Variants in METTL13 observed in about 807,000 individuals in gnomAD.
METTL13 encodes the protein eEF1A lysine and N-terminal methyltransferase.
In METTL13, 52 loss-of-function variants were observed where a neutral mutation model predicts 67.4. That is an observed-to-expected ratio of 0.77 (90% CI 0.62 to 0.97). The LOEUF (loss-of-function observed/expected upper bound fraction) is 0.97, where lower values mean the gene tolerates loss of function less well. Among genes scored for constraint, METTL13 ranks in the 50% least tolerant of loss-of-function variants. The pLI is 0.00. For missense variants in METTL13, 825 were observed against 889.6 expected, an observed-to-expected ratio of 0.93 and a Z score of 0.92; for synonymous variants, 354 against 353.6, an observed-to-expected ratio of 1.00 and a Z score of -0.01.
chr1:171,790,824 G>C (rs1477896261), intron 5 of METTL13: 2 of 457,430 alleles, frequency 4.4e-6, no homozygotes, highest in Non-Finnish European at 3.6e-6. Flanking sequence ...ATTGAAATAT[G>C]TTAGAGTCTA....
At chr1:171,790,753 T>C in intron 5 of METTL13, 137 bp downstream of exon 5, 1 of 964,008 alleles carries the variant, frequency 1.0e-6, no homozygotes, top group South Asian at 3.3e-5. Flanking sequence ...AACCATGTTA[T>C]AAGTTAATGA....
At chr1:171,783,678 G>T (rs1656901892) in intron 1 of METTL13, 62 bp from the exon 2 acceptor site, 1 of 1,525,660 alleles carries the variant, frequency 6.6e-7, no homozygotes, top group South Asian at 1.3e-5. Flanking sequence ...ATTCCTTGAA[G>T]TACCTGAAGT....
intron 2 of METTL13, among the ~76,000 whole-genome samples, 168 bp from the exon 3 acceptor site, chr1:171,785,711 C>T (rs1248601891): frequency 6.6e-6 from 1 of 152,184 alleles, no homozygotes; most frequent in East Asian, 1.9e-4. Flanking sequence ...GTCTGATGGG[C>T]TGCTTTGCCC....
rs1317455331 is a variant in METTL13 at position 171,792,186 on chromosome 1, C to T, written c.1644C>T (p.His548=). Residue 548 remains histidine, a synonymous_variant, in exon 6 of 8, where the codon CAC becomes CAT. Coordinates refer to ENST00000361735, the MANE Select transcript of METTL13 (RefSeq NM_015935.5). Reference sequence around the variant, plus strand: ...CCCAGAGTGACCGAATGAAGGTCCACATTGCAGATGGCCTGGACTATATCG... The same window carrying T: ...CCCAGAGTGACCGAATGAAGGTCCATATTGCAGATGGCCTGGACTATATCG... The part of the protein sequence containing the change: ...GFSQSDRMKV[H]IADGLDYIAS... 6.2e-7 allele frequency: 1 copy of T among 1,614,222 alleles called. No individual in the cohort carries two copies. The highest frequency in any genetic ancestry group is 1.1e-5 in the South Asian group (1 of 91,090).
chr1:171,796,991 A>AC lies in METTL13; in HGVS notation c.*237dup. 1 of 514,252 alleles carries AC rather than the reference A, an allele frequency of 1.9e-6. No homozygotes were observed. The highest frequency in any genetic ancestry group is 3.5e-6 in the Non-Finnish European group (1 of 287,992). The allele number at this position is 514,252 out of a possible 1,614,324, so 31.9% of individuals were successfully genotyped here. On this transcript the variant is annotated 3_prime_UTR_variant, in exon 8 of 8. Coordinates refer to ENST00000361735, the MANE Select transcript of METTL13 (RefSeq NM_015935.5). The stretch of plus-strand genomic sequence containing the variant: ...GGGTTGGTTTGTCTTTGCTTCCTAC[A>AC]CCACGTCCTTGAGTGGAGTTCCCTG...
chr1:171,785,103 G>A (rs901824454), intron 2 of METTL13, among the ~76,000 whole-genome samples: 1 of 152,192 alleles, frequency 6.6e-6, no homozygotes, highest in Non-Finnish European at 1.5e-5. Context: ...CTCTGGTGTA[G>A]TTGTGAGAAG....
rs952234551 is a variant in METTL13 at position 171,790,382 on chromosome 1, AC to A, written c.1310-69del. ...TGAGTGTTCAAGCCATCTGGAGCAC[AC>A]TGCTGCCAGTAACCCTTGCTTCCTG... On this transcript the variant is annotated intron_variant, in intron 4 of 7. Transcript: ENST00000361735. 6.4e-6 allele frequency: 9 copies of A among 1,401,914 alleles called. No individual in the cohort carries two copies. In the African/African-American group the frequency reaches 1.3e-4, roughly 21 times the overall value. 86.8% of individuals were successfully genotyped at this position (1,401,914 alleles called of 1,614,324 possible).
chr1:171,794,903 T>C (rs1218254623), intron 7 of METTL13, among the ~76,000 whole-genome samples: 1 of 152,096 alleles, frequency 6.6e-6, no homozygotes, highest in Non-Finnish European at 1.5e-5. Context: ...CACTGTAGCC[T>C]CAAACTCCTG....
chr1:171,792,664 A>G (rs1440182877), intron 6 of METTL13, among the ~76,000 whole-genome samples: 1 of 152,250 alleles, frequency 6.6e-6, no homozygotes, highest in African/African-American at 2.4e-5. Context: ...GATCAGTGGT[A>G]TACAACCTCA....
At chr1:171,793,281 G>C (rs1011065093) in intron 6 of METTL13, among the ~76,000 whole-genome samples, 17 of 152,214 alleles carry the variant, frequency 1.1e-4, no homozygotes, top group African/African-American at 4.1e-4. Flanking sequence ...CTGAGGCTAG[G>C]GTTAGTTTAG....
Position 171,781,809 on chromosome 1 carries a change from C to T in METTL13, c.-159C>T, listed in dbSNP as rs146286904. On this transcript the variant is annotated 5_prime_UTR_variant, in exon 1 of 8. Transcript: ENST00000361735. ...TGCGTTTGTCGTGTAAGGGTCATTCCTGGGGTTTGGAGTGGGGGAACAAAT... is the reference window on the plus strand; with the variant it reads ...TGCGTTTGTCGTGTAAGGGTCATTCTTGGGGTTTGGAGTGGGGGAACAAAT... 1.4e-6 allele frequency: 2 copies of T among 1,455,262 alleles called. No homozygotes were observed. Among genetic ancestry groups the T allele is most frequent in the African/African-American group, 1.4e-5 (1 of 70,198 alleles). The allele number at this position is 1,455,262 out of a possible 1,614,324, so 90.1% of individuals were successfully genotyped here. A position where few individuals can be genotyped will look rare whatever the true frequency, so the allele number is the denominator to read the frequency against.
intron 6 of METTL13, 99 bp downstream of exon 6, chr1:171,792,334 A>T (rs1345575692): frequency 7.5e-7 from 1 of 1,340,926 alleles, no homozygotes; most frequent in Non-Finnish European, 1.0e-6. Flanking sequence ...AGAGAGTGGC[A>T]TGAGTATCGT....
At position 171,792,235 on chromosome 1, in the gene METTL13, G is replaced by A. The variant is rs1376398989; in HGVS notation, c.1693G>A (p.Ala565Thr). 6.2e-7 allele frequency: 1 copy of A among 1,614,166 alleles called. No individual in the cohort carries two copies. The highest frequency in any genetic ancestry group is 1.1e-5 in the South Asian group (1 of 91,072). The change falls in exon 6 of 8, where the codon GCA (alanine) becomes ACA (threonine). Residue 565 changes from alanine to threonine, a missense_variant and splice_region_variant. By Grantham distance (58) the Ala-to-Thr change is moderately conservative (BLOSUM62 0). Coordinates refer to ENST00000361735, the MANE Select transcript of METTL13 (RefSeq NM_015935.5). Reference sequence around the variant, plus strand: ...CGCCAGCTTGGCAGGAGGAGGAGAAGGTACTGCTCTTGGAGCATTTGAAGG... The same window carrying A: ...CGCCAGCTTGGCAGGAGGAGGAGAAAGTACTGCTCTTGGAGCATTTGAAGG... ...YIASLAGGGE[A>T]RPCYDVIMFD...
chr1:171,781,740 G>A lies in METTL13; in HGVS notation c.-228G>A, dbSNP rs974836616. The A allele has an allele frequency of 1.5e-6, 2 of 1,328,296 alleles. No individual in the cohort carries two copies. The highest frequency in any genetic ancestry group is 1.9e-6 in the Non-Finnish European group (2 of 1,032,578). 82.3% of individuals were successfully genotyped at this position (1,328,296 alleles called of 1,614,324 possible). On this transcript the variant is annotated 5_prime_UTR_variant, in exon 1 of 8. Coordinates refer to ENST00000361735, the MANE Select transcript of METTL13 (RefSeq NM_015935.5). ...TTCACGTGGGGAAGGAACAGCAGGCGCGGAGGAGGGGGCAAGCGTGTGTGA... is the reference window on the plus strand; with the variant it reads ...TTCACGTGGGGAAGGAACAGCAGGCACGGAGGAGGGGGCAAGCGTGTGTGA...
Position 171,796,463 on chromosome 1 carries a change from T to C in METTL13, c.1826-19T>C. ...TCTCCTGATGTGAGGTCATTCTGAC[T>C]TTTCTTCCTACCCTATAGGTGTTTT... On this transcript the variant is annotated intron_variant, in intron 7 of 7. Coordinates refer to ENST00000361735, the MANE Select transcript of METTL13 (RefSeq NM_015935.5). 1 of 1,612,582 alleles carries C rather than the reference T, an allele frequency of 6.2e-7. No individual in the cohort carries two copies. The highest frequency in any genetic ancestry group is 8.5e-7 in the Non-Finnish European group (1 of 1,179,020).
At chr1:171,790,301 T>C (rs1657160898) in intron 4 of METTL13, 151 bp from the exon 5 acceptor site, 2 of 677,178 alleles carry the variant, frequency 3.0e-6, no homozygotes, top group Non-Finnish European at 4.5e-6. Flanking sequence ...TACGGCCAGT[T>C]TCAAGCTATC....
chr1:171,784,137 A>ATCAT lies in METTL13; in HGVS notation c.551_552insTCAT (p.Gln185HisfsTer41). On this transcript the variant is annotated frameshift_variant, in exon 2 of 8. Coordinates refer to ENST00000361735, the MANE Select transcript of METTL13 (RefSeq NM_015935.5). LOFTEE classifies it high-confidence loss of function. ...CGGGAGGGGTGGATGGTGAGGGTGC[A>ATCAT]CCAAGTGGCCAACAGCCAGGACCAG... The ATCAT allele has an allele frequency of 6.2e-7, 1 of 1,614,232 alleles. No homozygotes were observed. Among genetic ancestry groups the ATCAT allele is most frequent in the East Asian group, 2.2e-5 (1 of 44,878 alleles).
At position 171,785,961 on chromosome 1, in the gene METTL13, GTTGA is replaced by G; in HGVS notation, c.999_1002del (p.Ile334GlnfsTer60). 4.3e-6 allele frequency: 7 copies of G among 1,613,930 alleles called. No homozygotes were observed. Among genetic ancestry groups the G allele is most frequent in the Non-Finnish European group, 5.9e-6 (7 of 1,179,968 alleles). Reference sequence around the variant, plus strand: ...TGGCGGCCAGTGCTGGCTTCAGGAGGTTGATTACAGTGGCCCTTCACCGAGGTCA... The same window carrying G: ...TGGCGGCCAGTGCTGGCTTCAGGAGGTTACAGTGGCCCTTCACCGAGGTCA... On this transcript the variant is annotated frameshift_variant, in exon 3 of 8. Coordinates refer to ENST00000361735, the MANE Select transcript of METTL13 (RefSeq NM_015935.5). LOFTEE classifies it high-confidence loss of function.
chr1:171,790,606 GC>G lies in METTL13; in HGVS notation c.1465del (p.Leu489TyrfsTer3). 6.4e-7 allele frequency: 1 copy of G among 1,565,244 alleles called. No individual in the cohort carries two copies. The highest frequency in any genetic ancestry group is 8.6e-7 in the Non-Finnish European group (1 of 1,159,368). The stretch of plus-strand genomic sequence containing the variant: ...GCCTTGCCCTGCTGAGAAACCCAGA[GC>G]TACTCCTAGGTGAGAGAGATGCCAC... ...AGLALLRNPE[L>X]LLEIPLALLV... is the part of the protein sequence containing the mutation. On this transcript the variant is annotated frameshift_variant, in exon 5 of 8. Transcript: ENST00000361735. LOFTEE classifies it high-confidence loss of function.
Sources: allele counts gnomAD v4.1 joint callset (sites outside exome capture counted in the v4.1 genomes callset), GRCh38; gene constraint gnomAD v4.1.1; transcripts MANE v1.5; gene names NCBI Gene and HGNC (gene_info 2026-07-23, HGNC 2026-07-21).